The following GMDS variants were observed in gnomAD, a reference collection of about 807,000 sequenced individuals.
The protein encoded by GMDS is GDP-mannose 4,6 dehydratase.
GMDS carries 20 observed loss-of-function variants against 49.9 expected under a neutral mutation model. That is an observed-to-expected ratio of 0.40 (90% CI 0.28 to 0.58). The LOEUF (loss-of-function observed/expected upper bound fraction) is 0.58, where lower values mean the gene tolerates loss of function less well. GMDS is among the 20% of genes least tolerant of loss of function. GMDS has a pLI of 0.42. For synonymous variants in GMDS, 177 were observed against 178.6 expected (o/e 0.99, Z 0.07); for missense variants, 362 against 481.4 (o/e 0.75, Z 2.32).
intron 7 of GMDS, among the ~76,000 whole-genome samples, chr6:1,787,187 G>T (rs952814299): frequency 6.6e-6 from 1 of 152,190 alleles, no homozygotes; most frequent in Non-Finnish European, 1.5e-5. Context: ...AGTTATCATT[G>T]TTCTAGTAGC....
At chr6:1,811,955 C>T (rs1225696137) in intron 7 of GMDS, among the ~76,000 whole-genome samples, 1 of 152,134 alleles carries the variant, frequency 6.6e-6, no homozygotes, top group Non-Finnish European at 1.5e-5. Context: ...TCATTGTACA[C>T]CTACTATGTT....
chr6:1,829,888 A>G (rs1047631438), intron 7 of GMDS, among the ~76,000 whole-genome samples: 3 of 152,154 alleles, frequency 2.0e-5, no homozygotes, highest in African/African-American at 4.8e-5. Context: ...TCTGTGTGCT[A>G]TGTTCTTGGA....
intron 1 of GMDS, among the ~76,000 whole-genome samples, chr6:2,151,943 T>C (rs1480951688): frequency 6.6e-6 from 1 of 152,160 alleles, no homozygotes; most frequent in Non-Finnish European, 1.5e-5. Flanking sequence ...ACCTTACCAA[T>C]AGTTTTAAGA....
chr6:1,819,057 C>A (rs1227492638), intron 7 of GMDS, among the ~76,000 whole-genome samples: 1 of 152,072 alleles, frequency 6.6e-6, no homozygotes, highest in Non-Finnish European at 1.5e-5. Flanking sequence ...TACACACACT[C>A]TCACACATAC....
At chr6:1,744,882 C>T (rs150191297) in intron 7 of GMDS, among the ~76,000 whole-genome samples, 25 of 152,360 alleles carry the variant, frequency 1.6e-4, no homozygotes, top group African/African-American at 5.8e-4. Flanking sequence ...GTGGCTTCAC[C>T]GGGATCGGGC....
chr6:1,848,671 T>C (rs1163984209), intron 7 of GMDS, among the ~76,000 whole-genome samples: 1 of 152,030 alleles, frequency 6.6e-6, no homozygotes, highest in Non-Finnish European at 1.5e-5. Flanking sequence ...TTGAAGATAG[T>C]GGGGTGGGAA....
intron 1 of GMDS, among the ~76,000 whole-genome samples, chr6:2,239,654 T>G (rs1781519958): frequency 6.6e-6 from 1 of 151,938 alleles, no homozygotes; most frequent in Non-Finnish European, 1.5e-5. Flanking sequence ...AGGACAGTAC[T>G]CAAGACATCT....
chr6:2,210,635 G>A (rs1254511106), intron 1 of GMDS, among the ~76,000 whole-genome samples: 5 of 152,178 alleles, frequency 3.3e-5, no homozygotes, highest in African/African-American at 7.2e-5. Flanking sequence ...GGAAAGGTCT[G>A]CTTACTCCCA....
intron 4 of GMDS, among the ~76,000 whole-genome samples, chr6:2,036,563 G>A (rs189740519): frequency 1.8e-4 from 28 of 152,158 alleles, no homozygotes; most frequent in Non-Finnish European, 3.2e-4. Flanking sequence ...AATTCCTGGC[G>A]TTACCCATTA....
chr6:1,882,411 A>G (rs966462930), intron 7 of GMDS, among the ~76,000 whole-genome samples: 1 of 152,250 alleles, frequency 6.6e-6, no homozygotes, highest in South Asian at 2.1e-4. Flanking sequence ...GTACAACTGT[A>G]TACACTCAAA....
chr6:1,651,794 T>G (rs1056436500), intron 9 of GMDS, among the ~76,000 whole-genome samples: 3 of 152,180 alleles, frequency 2.0e-5, no homozygotes, highest in Non-Finnish European at 2.9e-5. Context: ...ATAATGTGTA[T>G]GCAAAAGCCC....
chr6:1,657,104 G>T (rs1021632715), intron 9 of GMDS, among the ~76,000 whole-genome samples: 1 of 152,184 alleles, frequency 6.6e-6, no homozygotes, highest in East Asian at 1.9e-4. Flanking sequence ...GGCTCCTTGG[G>T]AGCCTTGGTC....
At position 1,656,033 on chromosome 6, in the gene GMDS, G is replaced by C. The variant is rs79893736; in HGVS notation, c.988-31493C>G. Among the ~76,000 whole-genome samples, 74 of 152,334 alleles carry C rather than the reference G, an allele frequency of 4.9e-4. No individual in the cohort carries two copies. The East Asian group carries it at 0.01, about 21-fold the overall frequency. ...TGAGCAACTGGACCCAGGTCACACAGAGAGTGCGTGGTGGAGCTGATGCTG... is the reference window on the plus strand; with the variant it reads ...TGAGCAACTGGACCCAGGTCACACACAGAGTGCGTGGTGGAGCTGATGCTG... On this transcript the variant is annotated intron_variant, in intron 9 of 10. Coordinates refer to ENST00000380815, the MANE Select transcript of GMDS (RefSeq NM_001500.4).
intron 8 of GMDS, among the ~76,000 whole-genome samples, chr6:1,729,355 C>T (rs145609545): frequency 2.6e-5 from 4 of 152,036 alleles, no homozygotes; most frequent in African/African-American, 7.3e-5. Context: ...ACTGTCTGAA[C>T]GCTGTCTGCT....
chr6:2,060,699 A>G (rs1045290492), intron 4 of GMDS, among the ~76,000 whole-genome samples: 1 of 152,208 alleles, frequency 6.6e-6, no homozygotes, highest in Non-Finnish European at 1.5e-5. Context: ...TGCATGTCAA[A>G]CAAGGTGAGG....
At chr6:1,909,203 G>C (rs1760926148) in intron 7 of GMDS, among the ~76,000 whole-genome samples, 1 of 152,196 alleles carries the variant, frequency 6.6e-6, no homozygotes, top group Non-Finnish European at 1.5e-5. Context: ...GGTGAATTAA[G>C]TGAGATAAAC....
intron 4 of GMDS, among the ~76,000 whole-genome samples, chr6:2,066,383 C>A (rs1771592621): frequency 7.3e-6 from 1 of 137,774 alleles, no homozygotes; most frequent in African/African-American, 2.9e-5. Context: ...AACCAGCTAA[C>A]ATCATAATGA....
intron 4 of GMDS, among the ~76,000 whole-genome samples, chr6:2,015,630 G>A (rs1213101121): frequency 6.6e-6 from 1 of 152,068 alleles, no homozygotes; most frequent in Non-Finnish European, 1.5e-5. Context: ...GCCAAATAAA[G>A]AAAATAGAGC....
intron 1 of GMDS, among the ~76,000 whole-genome samples, chr6:2,167,997 C>T (rs1369860358): frequency 6.6e-6 from 1 of 152,192 alleles, no homozygotes; most frequent in South Asian, 2.1e-4. Flanking sequence ...TTATGTCCTA[C>T]CAATTTTAAA....
Sources: gnomAD v4.1 joint callset for allele counts (sites outside exome capture counted in the v4.1 genomes callset) on GRCh38, gnomAD v4.1.1 for gene constraint, MANE v1.5 for transcripts, NCBI Gene and HGNC (gene_info 2026-07-23, HGNC 2026-07-21) for gene names.